The following ZDHHC14 variants were observed in gnomAD, a reference collection of about 807,000 sequenced individuals.
ZDHHC14 encodes palmitoyltransferase ZDHHC14.
In ZDHHC14, 16 loss-of-function variants were observed where a neutral mutation model predicts 47.7. The observed-to-expected ratio is 0.34, with a 90% CI of 0.23 to 0.51. The LOEUF is 0.51. Ranked by LOEUF, ZDHHC14 falls within the 20% of genes least tolerant of loss-of-function variation. The pLI is 0.97. For synonymous variants in ZDHHC14, 293 were observed against 278.9 expected (o/e 1.05, Z -0.50); for missense variants, 515 against 662.5 (o/e 0.78, Z 2.44).
intron 1 of ZDHHC14, among the ~76,000 whole-genome samples, chr6:157,430,799 A>G (rs1322742112): frequency 5.9e-5 from 9 of 152,250 alleles, no homozygotes; most frequent in Non-Finnish European, 1.0e-4. Context: ...AAGATCTTCA[A>G]TCACTGGTGG....
chr6:157,417,408 AT>A (rs5881209), intron 1 of ZDHHC14, among the ~76,000 whole-genome samples: 127,136 of 152,094 alleles, frequency 0.84, 53,362 homozygotes, highest in Middle Eastern at 0.94. Context: ...TATCGTGGAC[AT>A]TTTTTTCATA....
At position 157,605,734 on chromosome 6, in the gene ZDHHC14, G is replaced by T. The variant is rs1004233832; in HGVS notation, c.565+12588G>T. ...GAGGAAGGCCATGACTTCTACCCCA[G>T]CCCAGCAGGAACGCTGTAGTATGTC... On this transcript the variant is annotated intron_variant, in intron 3 of 8. Coordinates refer to ENST00000359775, the MANE Select transcript of ZDHHC14 (RefSeq NM_024630.3). 2.0e-5 allele frequency among the ~76,000 whole-genome samples: 3 copies of T among 152,186 alleles called. No individual in the cohort carries two copies. In the East Asian group the frequency reaches 5.8e-4, roughly 29 times the overall value.
At chr6:157,486,593 G>C (rs1779784133) in intron 1 of ZDHHC14, among the ~76,000 whole-genome samples, 1 of 152,166 alleles carries the variant, frequency 6.6e-6, no homozygotes, top group Non-Finnish European at 1.5e-5. Context: ...GGGGTCCAGA[G>C]ATAGGAGATG....
At chr6:157,652,504 T>G (rs1777885544) in intron 7 of ZDHHC14, among the ~76,000 whole-genome samples, 1 of 152,144 alleles carries the variant, frequency 6.6e-6, no homozygotes, top group Admixed American at 6.5e-5. Flanking sequence ...CTCCTTACAC[T>G]TCTGCCCTTA....
intron 1 of ZDHHC14, among the ~76,000 whole-genome samples, chr6:157,512,370 T>A (rs974247570): frequency 3.3e-5 from 5 of 152,210 alleles, no homozygotes; most frequent in African/African-American, 1.2e-4. Flanking sequence ...GTAGTCCTCA[T>A]CACCAGCTCT....
chr6:157,614,427 ACT>A (rs1477091862), intron 3 of ZDHHC14, among the ~76,000 whole-genome samples: 2 of 151,944 alleles, frequency 1.3e-5, no homozygotes, highest in Non-Finnish European at 2.9e-5. Context: ...TAATGAGGAA[ACT>A]CAATATATAA....
intron 1 of ZDHHC14, among the ~76,000 whole-genome samples, chr6:157,474,983 T>C (rs1779445426): frequency 6.6e-6 from 1 of 152,212 alleles, no homozygotes; most frequent in Admixed American, 6.5e-5. Flanking sequence ...TCCAGATCAT[T>C]ATCATGGAGC....
At chr6:157,488,019 T>G (rs1362423006) in intron 1 of ZDHHC14, among the ~76,000 whole-genome samples, 1 of 151,584 alleles carries the variant, frequency 6.6e-6, no homozygotes, top group Non-Finnish European at 1.5e-5. Context: ...TTCTCAGGAG[T>G]GGTTTCTACT....
intron 5 of ZDHHC14, 75 bp downstream of exon 5, chr6:157,632,957 C>T: frequency 5.4e-6 from 8 of 1,475,002 alleles, no homozygotes; most frequent in Non-Finnish European, 7.6e-6. Context: ...GCGCACACCT[C>T]CTCATCTTCT....
chr6:157,540,884 A>ATG (rs761747961), intron 1 of ZDHHC14, among the ~76,000 whole-genome samples: 12 of 117,704 alleles, frequency 1.0e-4, no homozygotes, highest in African/African-American at 2.4e-4. Flanking sequence ...ATATATATGT[A>ATG]TGTATGTGTG....
chr6:157,475,049 T>C (rs1212070283), intron 1 of ZDHHC14, among the ~76,000 whole-genome samples: 2 of 152,204 alleles, frequency 1.3e-5, no homozygotes, highest in South Asian at 2.1e-4. Context: ...CCATTCTAAG[T>C]TGATTTTTGT....
chr6:157,438,232 T>C (rs1311232348), intron 1 of ZDHHC14, among the ~76,000 whole-genome samples: 1 of 152,226 alleles, frequency 6.6e-6, no homozygotes, highest in African/African-American at 2.4e-5. Context: ...ATTTGGGCTT[T>C]CCTGGCAAGA....
At chr6:157,412,379 A>G (rs1583622809) in intron 1 of ZDHHC14, among the ~76,000 whole-genome samples, 2 of 151,232 alleles carry the variant, frequency 1.3e-5, no homozygotes, top group South Asian at 2.1e-4. Flanking sequence ...TATAACCTCT[A>G]CCTCCTAGGT....
intron 2 of ZDHHC14, among the ~76,000 whole-genome samples, chr6:157,558,187 G>A (rs1387161265): frequency 6.6e-6 from 1 of 152,074 alleles, no homozygotes; most frequent in African/African-American, 2.4e-5. Context: ...GTGCCCAAGA[G>A]CCCCCTGCAG....
At chr6:157,594,743 A>G (rs1007602458) in intron 3 of ZDHHC14, among the ~76,000 whole-genome samples, 1 of 152,180 alleles carries the variant, frequency 6.6e-6, no homozygotes, top group Non-Finnish European at 1.5e-5. Context: ...AAGGGACTCT[A>G]CAAATCAGCC....
intron 2 of ZDHHC14, among the ~76,000 whole-genome samples, chr6:157,584,792 C>T (rs1290049324): frequency 6.6e-6 from 1 of 152,162 alleles, no homozygotes; most frequent in Non-Finnish European, 1.5e-5. Context: ...GATGTAAGTG[C>T]TGTTATTATT....
chr6:157,595,174 ATTTTTTTTTTTTTTT>A (rs777568494), intron 3 of ZDHHC14, among the ~76,000 whole-genome samples: 10 of 62,696 alleles, frequency 1.6e-4, no homozygotes, highest in Admixed American at 1.3e-3. Flanking sequence ...TCTAGGCTAG[ATTTTTTTTTTTTTTT>A]TTTTTTTTTT....
chr6:157,485,846 A>C (rs1241714115), intron 1 of ZDHHC14, among the ~76,000 whole-genome samples: 1 of 152,146 alleles, frequency 6.6e-6, no homozygotes, highest in Non-Finnish European at 1.5e-5. Context: ...CTCCGTCTCC[A>C]CTAAAAATAC....
intron 1 of ZDHHC14, among the ~76,000 whole-genome samples, chr6:157,400,268 T>C (rs1300521616): frequency 2.0e-5 from 3 of 152,184 alleles, no homozygotes; most frequent in Non-Finnish European, 4.4e-5. Flanking sequence ...ACCCTCTCCC[T>C]GTGTGAGAAA....
Sources: allele counts gnomAD v4.1 joint callset (sites outside exome capture counted in the v4.1 genomes callset), GRCh38; gene constraint gnomAD v4.1.1; transcripts MANE v1.5; gene names NCBI Gene and HGNC (gene_info 2026-07-23, HGNC 2026-07-21).